The following CSGALNACT1 variants were observed in gnomAD, a reference collection of about 807,000 sequenced individuals.
CSGALNACT1 encodes beta4GalNAcT-1.
Under a neutral mutation model 51.0 loss-of-function variants are expected in CSGALNACT1, and 52 were observed. The observed-to-expected ratio is 1.02, with a 90% CI of 0.82 to 1.29. The LOEUF is 1.29. Among genes scored for constraint, CSGALNACT1 ranks in the 50% most tolerant of loss-of-function variants. The pLI is 0.00. For missense variants in CSGALNACT1, 935 were observed against 679.2 expected (o/e 1.38, Z -4.19); for synonymous variants, 341 against 254.4 (o/e 1.34, Z -3.24).
intron 4 of CSGALNACT1, among the ~76,000 whole-genome samples, chr8:19,497,585 G>A (rs1404721943): frequency 6.6e-6 from 1 of 152,176 alleles, no homozygotes; most frequent in East Asian, 1.9e-4. Flanking sequence ...TGGAAAAGTG[G>A]ACAACAATTA....
intron 4 of CSGALNACT1, among the ~76,000 whole-genome samples, chr8:19,481,470 T>C (rs1445990808): frequency 6.6e-6 from 1 of 152,168 alleles, no homozygotes; most frequent in African/African-American, 2.4e-5. Flanking sequence ...AGTGACTTTA[T>C]ATAAAGATCA....
chr8:19,430,531 G>T (rs2059498912), intron 6 of CSGALNACT1, among the ~76,000 whole-genome samples: 1 of 152,032 alleles, frequency 6.6e-6, no homozygotes, highest in African/African-American at 2.4e-5. Context: ...AAATGTATAG[G>T]TTTATTTCCG....
intron 1 of CSGALNACT1, among the ~76,000 whole-genome samples, chr8:19,675,168 T>C (rs547025245): frequency 6.8e-4 from 104 of 152,344 alleles, no homozygotes; most frequent in Middle Eastern, 3.4e-3. Context: ...CCAGCCATTC[T>C]TCCTCTGCTC....
rs77167046 is a variant in CSGALNACT1 at position 19,733,623 on chromosome 8, G to C, written c.-297+24227C>G. ...ACAAAGGCAATGCACAATGCACTCT[G>C]TGTGCCGAGTGGTCTATGTCCTTCT... On this transcript the variant is annotated intron_variant, in intron 1 of 1. Transcript: ENST00000517494. 6.5e-3 allele frequency among the ~76,000 whole-genome samples: 987 copies of C among 152,144 alleles called. 10 individuals are homozygous for C. Among genetic ancestry groups the C allele is most frequent in the African/African-American group, 0.023 (935 of 41,530 alleles).
intron 5 of CSGALNACT1, 47 bp from the exon 5 acceptor site, chr8:19,439,978 C>T (rs1482098037): frequency 1.4e-6 from 2 of 1,467,448 alleles, no homozygotes; most frequent in South Asian, 1.1e-5. Context: ...TTCACACTGA[C>T]AGGCACAGCA....
intron 1 of CSGALNACT1, among the ~76,000 whole-genome samples, chr8:19,723,740 T>G (rs1218187851): frequency 6.6e-6 from 1 of 152,204 alleles, no homozygotes; most frequent in African/African-American, 2.4e-5. Context: ...ATTGCACCAT[T>G]TGATGGTACC....
rs1191828848 is a variant in CSGALNACT1, at chr8:19,488,503, T to C, written c.634+16698A>G. ...ATTTTGTTTATATTAAGCAGTGTTTTGGAAATGATTCCATAAAGGGAAATG... is the reference window on the plus strand; with the variant it reads ...ATTTTGTTTATATTAAGCAGTGTTTCGGAAATGATTCCATAAAGGGAAATG... On this transcript the variant is annotated intron_variant, in intron 4 of 9. Transcript: ENST00000454498. Among the ~76,000 whole-genome samples, 5 of 151,256 alleles carry C rather than the reference T, an allele frequency of 3.3e-5. No homozygotes were observed. In the South Asian group the frequency reaches 1.0e-3, roughly 31 times the overall value.
intron 1 of CSGALNACT1, among the ~76,000 whole-genome samples, chr8:19,607,608 C>A (rs557244450): frequency 6.6e-6 from 1 of 152,350 alleles, no homozygotes; most frequent in East Asian, 1.9e-4. Context: ...ACTACAGCTG[C>A]TCAGCTGGTG....
chr8:19,607,893 A>C (rs1215489616), intron 1 of CSGALNACT1, among the ~76,000 whole-genome samples: 1 of 152,226 alleles, frequency 6.6e-6, no homozygotes, highest in Non-Finnish European at 1.5e-5. Context: ...GATATGTTAC[A>C]GATGGTAATA....
intron 1 of CSGALNACT1, among the ~76,000 whole-genome samples, chr8:19,753,084 G>C (rs879562426): frequency 7.9e-5 from 12 of 152,166 alleles, no homozygotes; most frequent in Admixed American, 2.6e-4. Context: ...CTCAGCTTCA[G>C]TCTGCGAAGA....
At chr8:19,741,675 C>A (rs1259278838) in intron 1 of CSGALNACT1, among the ~76,000 whole-genome samples, 3 of 151,988 alleles carry the variant, frequency 2.0e-5, no homozygotes, top group African/African-American at 7.3e-5. Context: ...TTAATAAAGG[C>A]TTCTGAATTC....
chr8:19,721,849 T>TTAAA (rs2063146947), intron 1 of CSGALNACT1, among the ~76,000 whole-genome samples: 1 of 152,224 alleles, frequency 6.6e-6, no homozygotes, highest in Non-Finnish European at 1.5e-5. Context: ...CTATGGATCA[T>TTAAA]TAAATGTATT....
At chr8:19,556,694 T>G (rs959234740) in intron 3 of CSGALNACT1, among the ~76,000 whole-genome samples, 3 of 152,202 alleles carry the variant, frequency 2.0e-5, no homozygotes, top group Non-Finnish European at 4.4e-5. Flanking sequence ...TTCTCCTTTT[T>G]TTTTTCTCTC....
intron 5 of CSGALNACT1, among the ~76,000 whole-genome samples, chr8:19,441,564 G>T (rs1247386904): frequency 5.3e-5 from 8 of 152,134 alleles, no homozygotes; most frequent in Middle Eastern, 3.4e-3. Context: ...ATACAAAAAT[G>T]AATTCAAGAT....
chr8:19,656,381 CA>C (rs995351217), intron 1 of CSGALNACT1, among the ~76,000 whole-genome samples: 1 of 151,310 alleles, frequency 6.6e-6, no homozygotes, highest in Admixed American at 6.6e-5. Flanking sequence ...AACCTCAAGC[CA>C]AAAAAAATAA....
chr8:19,603,239 C>T (rs1175697456), upstream of CSGALNACT1, among the ~76,000 whole-genome samples: 1 of 152,104 alleles, frequency 6.6e-6, no homozygotes, highest in East Asian at 1.9e-4. Flanking sequence ...TGGGGATGGC[C>T]TCCAAACACC....
intron 5 of CSGALNACT1, among the ~76,000 whole-genome samples, chr8:19,449,060 C>CAAA (rs2153792634): frequency 6.6e-6 from 1 of 152,208 alleles, no homozygotes; most frequent in South Asian, 2.1e-4. Flanking sequence ...TTTGAGTAGT[C>CAAA]TGATCAGTGT....
At chr8:19,685,646 G>A (rs966099476), upstream of CSGALNACT1, among the ~76,000 whole-genome samples, 1 of 152,208 alleles carries the variant, frequency 6.6e-6, no homozygotes, top group Non-Finnish European at 1.5e-5. Context: ...TTTGAGAGCT[G>A]GGTTCTCAGG....
At chr8:19,746,959 G>C (rs1322991805) in intron 1 of CSGALNACT1, among the ~76,000 whole-genome samples, 1 of 152,212 alleles carries the variant, frequency 6.6e-6, no homozygotes, top group African/African-American at 2.4e-5. Context: ...GTGGACACCA[G>C]GGAAAGGGGT....
Sources: gnomAD v4.1 joint callset for allele counts (sites outside exome capture counted in the v4.1 genomes callset) on GRCh38, gnomAD v4.1.1 for gene constraint, MANE v1.5 for transcripts, NCBI Gene and HGNC (gene_info 2026-07-23, HGNC 2026-07-21) for gene names.